SBF2: variants seen among roughly 807,000 people sequenced by gnomAD.
SBF2 encodes myotubularin-related protein 13.
Under a neutral mutation model 225.2 loss-of-function variants are expected in SBF2, and 112 were observed. That is an observed-to-expected ratio of 0.50 (90% CI 0.43 to 0.58). SBF2 has a LOEUF of 0.58. SBF2 is among the 20% of genes least tolerant of loss of function. The probability of loss-of-function intolerance (pLI) is 0.00; values close to 1 mark genes in which losing one functional copy is unlikely to be tolerated. For missense variants in SBF2, 1,996 were observed against 2,206.2 expected, an observed-to-expected ratio of 0.90 and a Z score of 1.91; for synonymous variants, 763 against 773.3, an observed-to-expected ratio of 0.99 and a Z score of 0.22.
chr11:10,222,561 T>C lies in SBF2; in HGVS notation c.56-28574A>G, dbSNP rs970300372. Among the ~76,000 whole-genome samples the C allele has an allele frequency of 3.3e-5, 5 of 152,158 alleles. No homozygotes were observed. In the South Asian group the frequency reaches 8.3e-4, roughly 25 times the overall value. On this transcript the variant is annotated intron_variant, in intron 1 of 39. Transcript: ENST00000256190. ...AAAGGTACACTTGAAAACAGATCAA[T>C]AAATTACCGAATTTGAAGAACTGAG...
intron 17 of SBF2, among the ~76,000 whole-genome samples, chr11:9,885,937 C>T (rs1158783446): frequency 6.6e-6 from 1 of 152,118 alleles, no homozygotes; most frequent in African/African-American, 2.4e-5. Flanking sequence ...ATGCGTTCTC[C>T]CTTCAGTACG....
At chr11:10,026,820 AG>A (rs1421629707) in intron 6 of SBF2, among the ~76,000 whole-genome samples, 1 of 152,072 alleles carries the variant, frequency 6.6e-6, no homozygotes, top group African/African-American at 2.4e-5. Context: ...ACATGCCACC[AG>A]GAAGGGATTA....
chr11:9,876,788 A>G (rs891599353), intron 17 of SBF2, among the ~76,000 whole-genome samples: 6 of 152,148 alleles, frequency 3.9e-5, no homozygotes, highest in African/African-American at 1.2e-4. Context: ...TACCCAGGCT[A>G]GAGTGCAGTG....
At chr11:10,252,308 C>G (rs1960430860) in intron 1 of SBF2, among the ~76,000 whole-genome samples, 1 of 152,228 alleles carries the variant, frequency 6.6e-6, no homozygotes, top group Non-Finnish European at 1.5e-5. Context: ...ATTGTTAAAG[C>G]AAACCAAATA....
intron 2 of SBF2, among the ~76,000 whole-genome samples, chr11:10,091,144 A>G (rs1303464945): frequency 6.6e-6 from 1 of 152,192 alleles, no homozygotes; most frequent in Non-Finnish European, 1.5e-5. Context: ...TGGGAATACA[A>G]TGCAGTTTGG....
intron 1 of SBF2, among the ~76,000 whole-genome samples, chr11:10,213,437 G>T (rs922872036): frequency 3.9e-5 from 6 of 152,146 alleles, no homozygotes; most frequent in Non-Finnish European, 5.9e-5. Flanking sequence ...TCTCATAGAT[G>T]AATCTACATT....
At chr11:10,052,158 GA>G (rs35584969) in intron 2 of SBF2, among the ~76,000 whole-genome samples, 68,916 of 147,338 alleles carry the variant, frequency 0.47, 16,137 homozygotes, top group Admixed American at 0.57. Context: ...AGGCAAACAG[GA>G]AAAAAAAAAA....
chr11:9,900,433 A>G (rs1861631412), intron 16 of SBF2, among the ~76,000 whole-genome samples: 1 of 152,002 alleles, frequency 6.6e-6, no homozygotes. Flanking sequence ...ACCCTGCATA[A>G]CCATTTTTCC....
intron 2 of SBF2, among the ~76,000 whole-genome samples, chr11:10,131,242 T>A (rs889410175): frequency 4.0e-5 from 6 of 149,794 alleles, no homozygotes; most frequent in Non-Finnish European, 5.9e-5. Context: ...TTTTTTTTTT[T>A]AAAGATAGGG....
intron 28 of SBF2, among the ~76,000 whole-genome samples, chr11:9,825,453 T>A (rs572975490): frequency 4.6e-5 from 7 of 152,290 alleles, no homozygotes; most frequent in Non-Finnish European, 1.0e-4. Flanking sequence ...TGTGGCACTT[T>A]GTTACGGTAG....
intron 2 of SBF2, among the ~76,000 whole-genome samples, chr11:10,083,977 A>G (rs1951460036): frequency 6.6e-6 from 1 of 152,198 alleles, no homozygotes; most frequent in Non-Finnish European, 1.5e-5. Context: ...ACATCTCTAT[A>G]AAACATACAC....
rs186989593 is a variant in SBF2, at chr11:9,871,781, G to A, written c.1930-13385C>T. 2.4e-4 allele frequency among the ~76,000 whole-genome samples: 37 copies of A among 152,094 alleles called. No individual in the cohort carries two copies. In the East Asian group the frequency reaches 6.2e-3, roughly 25 times the overall value. On this transcript the variant is annotated intron_variant, in intron 17 of 39. Coordinates refer to ENST00000256190, the MANE Select transcript of SBF2 (RefSeq NM_030962.4). The stretch of plus-strand genomic sequence containing the variant: ...GCTGGGATTACAGGCATGAGCCACC[G>A]TGCCCGGCCAGGATGATAATTATTA...
chr11:10,058,521 A>G (rs1950328776), intron 2 of SBF2, among the ~76,000 whole-genome samples: 1 of 152,190 alleles, frequency 6.6e-6, no homozygotes, highest in African/African-American at 2.4e-5. Context: ...GATTATGTAA[A>G]CAGAAATCTA....
At chr11:9,811,135 A>T (rs1343179093) in intron 30 of SBF2, 2 of 152,226 alleles carry the variant, frequency 1.3e-5, no homozygotes, top group African/African-American at 4.8e-5. Context: ...GTGGGAGCTA[A>T]ACATTGAGTA....
At chr11:10,294,858 C>G (rs1964434810), upstream of SBF2, among the ~76,000 whole-genome samples, 1 of 152,332 alleles carries the variant, frequency 6.6e-6, no homozygotes, top group African/African-American at 2.4e-5. Flanking sequence ...GCTGGCCTCT[C>G]CCTGGGGAGC....
At chr11:9,907,306 C>T (rs1374918120) in intron 16 of SBF2, among the ~76,000 whole-genome samples, 3 of 152,204 alleles carry the variant, frequency 2.0e-5, no homozygotes, top group African/African-American at 4.8e-5. Context: ...GCCCCTGCCA[C>T]AAGCTGCTGC....
At chr11:10,203,060 G>A (rs1957624773) in intron 1 of SBF2, among the ~76,000 whole-genome samples, 1 of 150,264 alleles carries the variant, frequency 6.7e-6, no homozygotes, top group Admixed American at 6.6e-5. Context: ...GGGGGGGTGA[G>A]AGGGGGGTGC....
chr11:9,954,706 A>T (rs1034188078), intron 16 of SBF2, among the ~76,000 whole-genome samples: 1 of 152,070 alleles, frequency 6.6e-6, no homozygotes, highest in African/African-American at 2.4e-5. Context: ...AAACAAAAAA[A>T]CTCCATGTCT....
At chr11:9,824,678 C>A (rs1386070413) in intron 28 of SBF2, among the ~76,000 whole-genome samples, 3 of 152,048 alleles carry the variant, frequency 2.0e-5, no homozygotes, top group Non-Finnish European at 4.4e-5. Flanking sequence ...GGCCACCTGG[C>A]CAAATGTTGG....
Sources: gnomAD v4.1 joint callset for allele counts (sites outside exome capture counted in the v4.1 genomes callset) on GRCh38, gnomAD v4.1.1 for gene constraint, MANE v1.5 for transcripts, NCBI Gene and HGNC (gene_info 2026-07-23, HGNC 2026-07-21) for gene names.